Variants in FBXL5 observed in about 807,000 individuals in gnomAD.
FBXL5 encodes the protein F-box and leucine rich repeat protein 5, also known as F-box/LRR-repeat protein 5.
In FBXL5, 26 loss-of-function variants were observed where a neutral mutation model predicts 78.3. That is an observed-to-expected ratio of 0.33 (90% CI 0.24 to 0.46). The LOEUF (loss-of-function observed/expected upper bound fraction) is 0.46, where lower values mean the gene tolerates loss of function less well. FBXL5 is among the 20% of genes least tolerant of loss of function. The pLI is 1.00. For missense variants in FBXL5, 710 were observed against 829.2 expected (o/e 0.86, Z 1.77); for synonymous variants, 295 against 282.5 (o/e 1.04, Z -0.45).
chr4:15,653,739 A>C (rs1284665638), intron 1 of FBXL5, among the ~76,000 whole-genome samples: 2 of 152,174 alleles, frequency 1.3e-5, no homozygotes, highest in African/African-American at 2.4e-5. Context: ...GCTAAGTAAA[A>C]AATTCAGGGA....
At chr4:15,614,858 T>C (rs4698117) in intron 9 of FBXL5, among the ~76,000 whole-genome samples, 43,415 of 152,054 alleles carry the variant, frequency 0.29, 6,537 homozygotes, top group East Asian at 0.47. Context: ...TGGGAGCCCC[T>C]TTCTGGGCTG....
intron 1 of FBXL5, among the ~76,000 whole-genome samples, chr4:15,677,980 T>C (rs1234175641): frequency 5.9e-5 from 9 of 152,168 alleles, no homozygotes; most frequent in African/African-American, 9.7e-5. Context: ...AGTAACGAAA[T>C]TGAATTGCAT....
chr4:15,639,157 T>A (rs1714582491), intron 3 of FBXL5, among the ~76,000 whole-genome samples: 1 of 152,194 alleles, frequency 6.6e-6, no homozygotes, highest in Admixed American at 6.5e-5. Context: ...AGAGCGAAAC[T>A]CTGTCTCCAG....
intron 1 of FBXL5, among the ~76,000 whole-genome samples, chr4:15,648,772 G>C (rs1245496732): frequency 6.6e-6 from 1 of 152,126 alleles, no homozygotes; most frequent in East Asian, 1.9e-4. Flanking sequence ...AGATGAGTAC[G>C]TTCTGGGGAT....
chr4:15,665,944 A>G (rs542153651), intron 1 of FBXL5, among the ~76,000 whole-genome samples: 1 of 152,284 alleles, frequency 6.6e-6, no homozygotes, highest in Admixed American at 6.5e-5. Flanking sequence ...GAGCTAATGC[A>G]AGAGGAAGCT....
intron 5 of FBXL5, among the ~76,000 whole-genome samples, chr4:15,635,024 C>T (rs1172645827): frequency 6.6e-6 from 1 of 152,064 alleles, no homozygotes; most frequent in Non-Finnish European, 1.5e-5. Context: ...AAATATCTAA[C>T]AGCTTATTTT....
At chr4:15,661,829 A>G (rs1222893380), upstream of FBXL5, among the ~76,000 whole-genome samples, 1 of 152,210 alleles carries the variant, frequency 6.6e-6, no homozygotes, top group Non-Finnish European at 1.5e-5. Context: ...TGGCAGCTAA[A>G]GCTGCGATCA....
At chr4:15,647,017 G>A (rs1715429338) in intron 1 of FBXL5, among the ~76,000 whole-genome samples, 1 of 151,736 alleles carries the variant, frequency 6.6e-6, no homozygotes, top group Non-Finnish European at 1.5e-5. Flanking sequence ...GAGGTCAGGA[G>A]TTCGAGACCA....
At chr4:15,632,906 C>A (rs1024668600) in intron 5 of FBXL5, among the ~76,000 whole-genome samples, 1 of 152,076 alleles carries the variant, frequency 6.6e-6, no homozygotes, top group Non-Finnish European at 1.5e-5. Context: ...TTTCTTTCTC[C>A]TGCCTGATTG....
upstream of FBXL5, among the ~76,000 whole-genome samples, chr4:15,658,446 T>A (rs1001903430): frequency 1.3e-5 from 2 of 152,194 alleles, no homozygotes; most frequent in Non-Finnish European, 2.9e-5. Flanking sequence ...GGTGATTGGG[T>A]CATGAAAGTT....
chr4:15,677,118 C>A (rs1376001962), intron 1 of FBXL5, among the ~76,000 whole-genome samples: 1 of 152,066 alleles, frequency 6.6e-6, no homozygotes, highest in African/African-American at 2.4e-5. Context: ...TAACAGATAA[C>A]ACAAAATTCA....
upstream of FBXL5, among the ~76,000 whole-genome samples, chr4:15,657,412 GTTGTC>G (rs1437312748): frequency 3.9e-5 from 6 of 152,304 alleles, no homozygotes; most frequent in East Asian, 1.9e-4. Flanking sequence ...AATATGCTAT[GTTGTC>G]TTGTCCAATC....
intron 9 of FBXL5, among the ~76,000 whole-genome samples, chr4:15,614,562 C>T (rs1711578104): frequency 6.6e-6 from 1 of 152,020 alleles, no homozygotes; most frequent in Admixed American, 6.5e-5. Context: ...TCTTTGGCTA[C>T]CAGGGTGGGT....
intron 1 of FBXL5, among the ~76,000 whole-genome samples, chr4:15,644,995 T>C (rs538471877): frequency 1.3e-5 from 2 of 152,278 alleles, no homozygotes; most frequent in African/African-American, 2.4e-5. Context: ...ACCAGGCCCC[T>C]TCTAAACCTA....
chr4:15,651,075 C>T (rs1285264267), intron 1 of FBXL5, among the ~76,000 whole-genome samples: 1 of 152,310 alleles, frequency 6.6e-6, no homozygotes, highest in Non-Finnish European at 1.5e-5. Flanking sequence ...AACAAAAACA[C>T]ATATATTATT....
chr4:15,657,655 T>G (rs4235379), upstream of FBXL5, among the ~76,000 whole-genome samples: 104,900 of 152,132 alleles, frequency 0.69, 36,333 homozygotes, highest in East Asian at 0.81. Context: ...TTAAAAATAA[T>G]CCCTGTGAGT....
At chr4:15,670,178 G>A (rs1221225031) in intron 1 of FBXL5, among the ~76,000 whole-genome samples, 1 of 152,118 alleles carries the variant, frequency 6.6e-6, no homozygotes, top group African/African-American at 2.4e-5. Context: ...CACCTGATAG[G>A]CACTTTGGTT....
intron 1 of FBXL5, among the ~76,000 whole-genome samples, chr4:15,668,829 A>G (rs550492621): frequency 2.0e-5 from 3 of 152,214 alleles, no homozygotes; most frequent in Non-Finnish European, 4.4e-5. Context: ...CAACTCACAT[A>G]TTTTCTTCTA....
chr4:15,656,997 G>C (rs1313960612), upstream of FBXL5, among the ~76,000 whole-genome samples: 5 of 149,552 alleles, frequency 3.3e-5, no homozygotes, highest in Non-Finnish European at 7.5e-5. Flanking sequence ...CTTATTCACA[G>C]TCTGTCTTAA....
Sources: gnomAD v4.1 joint callset for allele counts (sites outside exome capture counted in the v4.1 genomes callset) on GRCh38, gnomAD v4.1.1 for gene constraint, MANE v1.5 for transcripts, NCBI Gene and HGNC (gene_info 2026-07-23, HGNC 2026-07-21) for gene names.